SGCD: variants seen among roughly 807,000 people sequenced by gnomAD.
SGCD encodes the protein delta-sarcoglycan.
Under a neutral mutation model 36.6 loss-of-function variants are expected in SGCD, and 18 were observed. That is an observed-to-expected ratio of 0.49 (90% CI 0.34 to 0.73). The LOEUF is 0.73. Among genes scored for constraint, SGCD ranks in the 30% least tolerant of loss-of-function variants. SGCD has a pLI of 0.01. For synonymous variants in SGCD, 133 were observed against 130.6 expected (o/e 1.02, Z -0.12); for missense variants, 387 against 346.7 (o/e 1.12, Z -0.92).
At chr5:156,680,912 G>A (rs1187546983) in intron 7 of SGCD, among the ~76,000 whole-genome samples, 2 of 152,150 alleles carry the variant, frequency 1.3e-5, no homozygotes, top group Non-Finnish European at 2.9e-5. Context: ...CACTCAGCCT[G>A]CCACTGGCCA....
Position 156,461,670 on chromosome 5 carries a change from T to A in SGCD, c.193-46931T>A, listed in dbSNP as rs552999649. On this transcript the variant is annotated intron_variant, in intron 3 of 8. Coordinates refer to ENST00000337851, the MANE Select transcript of SGCD (RefSeq NM_000337.6). ...GAAAGATAAGGACTCTACTCTGGAG[T>A]TAATGTTGATAATTTTACTTCACAT... 2.7e-4 allele frequency among the ~76,000 whole-genome samples: 41 copies of A among 152,158 alleles called. No homozygotes were observed. The South Asian group carries it at 7.0e-3, about 26-fold the overall frequency.
chr5:156,335,506 T>G (rs1338833608), intron 2 of SGCD, among the ~76,000 whole-genome samples: 3 of 152,176 alleles, frequency 2.0e-5, no homozygotes, highest in African/African-American at 7.2e-5. Context: ...TCCTTCCCCT[T>G]GAAGTCCAGA....
intron 3 of SGCD, among the ~76,000 whole-genome samples, chr5:156,183,462 C>T (rs549423438): frequency 2.0e-5 from 3 of 152,208 alleles, no homozygotes; most frequent in Non-Finnish European, 4.4e-5. Context: ...GGCTGGATTG[C>T]AGTGGTACGA....
At chr5:156,324,393 C>T (rs1205901729), upstream of SGCD, among the ~76,000 whole-genome samples, 3 of 152,032 alleles carry the variant, frequency 2.0e-5, no homozygotes, top group Admixed American at 2.0e-4. Flanking sequence ...TGACATTCCC[C>T]TTAAATACTT....
intron 3 of SGCD, among the ~76,000 whole-genome samples, chr5:156,199,445 G>T (rs1253936598): frequency 1.3e-5 from 2 of 152,096 alleles, no homozygotes; most frequent in Non-Finnish European, 2.9e-5. Flanking sequence ...ACACATACTT[G>T]CCTCTCAGGA....
intron 3 of SGCD, among the ~76,000 whole-genome samples, chr5:156,144,515 T>A (rs1434575679): frequency 6.6e-6 from 1 of 152,226 alleles, no homozygotes; most frequent in African/African-American, 2.4e-5. Flanking sequence ...TTCATGTGTC[T>A]TTTGGCTGCA....
At chr5:156,369,583 C>A (rs1770279254) in intron 3 of SGCD, among the ~76,000 whole-genome samples, 1 of 152,152 alleles carries the variant, frequency 6.6e-6, no homozygotes, top group Non-Finnish European at 1.5e-5. Context: ...TGGTGCTTGC[C>A]ACTCCCTATT....
chr5:156,250,847 C>T (rs529867462), intron 3 of SGCD, among the ~76,000 whole-genome samples: 2 of 152,250 alleles, frequency 1.3e-5, no homozygotes, highest in East Asian at 3.9e-4. Flanking sequence ...TCTGAAAATG[C>T]TGTGTAAGTC....
At chr5:156,368,113 C>T (rs72798933) in intron 3 of SGCD, among the ~76,000 whole-genome samples, 6,693 of 150,542 alleles carry the variant, frequency 0.044, 188 homozygotes, top group South Asian at 0.11. Context: ...TTTTTCGAGA[C>T]GAAATCTCAC....
intron 1 of SGCD, among the ~76,000 whole-genome samples, chr5:156,025,059 A>G (rs1759197598): frequency 1.3e-5 from 2 of 152,102 alleles, no homozygotes. Context: ...TATTTTCCAT[A>G]TTTCAGTGGC....
Position 156,586,041 on chromosome 5 carries a change from C to T in SGCD, c.295-3190C>T, listed in dbSNP as rs557253151. Among the ~76,000 whole-genome samples the T allele has an allele frequency of 5.3e-5, 8 of 149,662 alleles. No homozygotes were observed. The South Asian group carries it at 8.4e-4, about 16-fold the overall frequency. On this transcript the variant is annotated intron_variant, in intron 4 of 8. Transcript: ENST00000337851. ...TACATTATTATTAACTAAAGTCCACCCTTTATTTTGATTACTTTGGTGTTT... is the reference window on the plus strand; with the variant it reads ...TACATTATTATTAACTAAAGTCCACTCTTTATTTTGATTACTTTGGTGTTT...
chr5:155,743,792 G>T, the SGCD span, among the ~76,000 whole-genome samples: 1 of 152,284 alleles, frequency 6.6e-6, no homozygotes, highest in East Asian at 1.9e-4. Flanking sequence ...AGGAGCAGAT[G>T]AGGAAAACCA....
intron 3 of SGCD, among the ~76,000 whole-genome samples, chr5:156,362,856 A>G (rs1050297512): frequency 1.3e-5 from 2 of 152,184 alleles, no homozygotes; most frequent in Non-Finnish European, 2.9e-5. Context: ...AATTATAGCA[A>G]TATATTAATT....
chr5:156,227,763 C>T (rs545495529), intron 3 of SGCD, among the ~76,000 whole-genome samples: 8 of 152,102 alleles, frequency 5.3e-5, no homozygotes, highest in South Asian at 2.1e-4. Flanking sequence ...TCAGACTTTT[C>T]GATGTAGGCA....
intron 3 of SGCD, among the ~76,000 whole-genome samples, chr5:156,399,479 C>A (rs1772031477): frequency 1.3e-5 from 2 of 152,140 alleles, no homozygotes; most frequent in South Asian, 2.1e-4. Flanking sequence ...GTGAGGATAT[C>A]CAGTGTGGCT....
chr5:155,927,537 A>G lies in SGCD; in HGVS notation c.-282+57113A>G, dbSNP rs557308325. ...AGGGATTCACTCTAGATTGCATGCT[A>G]TCGAAAAATGGGGGCAGTTCTATGA... On this transcript the variant is annotated intron_variant, in intron 1 of 9. Coordinates refer to the SGCD transcript ENST00000517913. Among the ~76,000 whole-genome samples the G allele has an allele frequency of 8.0e-4, 122 of 152,206 alleles. 2 individuals carry two copies. Among genetic ancestry groups the G allele is most frequent in the Non-Finnish European group, 2.5e-4 (17 of 68,032 alleles).
intron 7 of SGCD, among the ~76,000 whole-genome samples, chr5:156,701,882 G>A (rs993747348): frequency 6.6e-6 from 1 of 152,130 alleles, no homozygotes; most frequent in African/African-American, 2.4e-5. Flanking sequence ...TTTTCTTGAG[G>A]ACATTAAATA....
intron 3 of SGCD, among the ~76,000 whole-genome samples, chr5:156,354,973 G>T (rs1389072959): frequency 6.6e-6 from 1 of 152,220 alleles, no homozygotes; most frequent in Middle Eastern, 3.2e-3. Flanking sequence ...GTTTGTAAAT[G>T]ATCTTTCTAG....
intron 1 of SGCD, among the ~76,000 whole-genome samples, chr5:155,941,692 A>G (rs1291418336): frequency 6.6e-6 from 1 of 151,982 alleles, no homozygotes; most frequent in Non-Finnish European, 1.5e-5. Context: ...CAATACCTCT[A>G]TGCTCAATGT....
Sources: gnomAD v4.1 joint callset for allele counts (sites outside exome capture counted in the v4.1 genomes callset) on GRCh38, gnomAD v4.1.1 for gene constraint, MANE v1.5 for transcripts, NCBI Gene and HGNC (gene_info 2026-07-23, HGNC 2026-07-21) for gene names.